PLEKHA5: variants seen among roughly 807,000 people sequenced by gnomAD.
The protein encoded by PLEKHA5 is pleckstrin homology domain-containing family A member 5.
PLEKHA5 carries 55 observed loss-of-function variants against 181.9 expected under a neutral mutation model. The observed-to-expected ratio is 0.30, with a 90% CI of 0.24 to 0.38. The LOEUF is 0.38. Ranked by LOEUF, PLEKHA5 falls within the 10% of genes least tolerant of loss-of-function variation. The probability of loss-of-function intolerance (pLI) is 1.00; values close to 1 mark genes in which losing one functional copy is unlikely to be tolerated. For synonymous variants in PLEKHA5, 535 were observed against 529.4 expected (o/e 1.01, Z -0.15); for missense variants, 1,432 against 1,549.5 (o/e 0.92, Z 1.27).
At chr12:19,340,021 A>G (rs916545695) in intron 21 of PLEKHA5, among the ~76,000 whole-genome samples, 2 of 152,150 alleles carry the variant, frequency 1.3e-5, no homozygotes, top group Non-Finnish European at 2.9e-5. Context: ...GAATATCCAC[A>G]AAGCAGAGAG....
chr12:19,265,323 G>A (rs770777899), intron 7 of PLEKHA5, among the ~76,000 whole-genome samples: 2 of 152,104 alleles, frequency 1.3e-5, no homozygotes, highest in Admixed American at 1.3e-4. Context: ...CATTCTCGAA[G>A]GAGAACAGAG....
At chr12:19,337,142 C>G (rs1412678262) in intron 21 of PLEKHA5, among the ~76,000 whole-genome samples, 1 of 151,772 alleles carries the variant, frequency 6.6e-6, no homozygotes, top group Non-Finnish European at 1.5e-5. Context: ...CATGCACCAC[C>G]AAGCCTTATT....
intron 21 of PLEKHA5, among the ~76,000 whole-genome samples, chr12:19,338,719 A>T (rs2093647159): frequency 1.3e-5 from 2 of 151,782 alleles, no homozygotes; most frequent in African/African-American, 4.8e-5. Context: ...CACTGAAGTT[A>T]CACTGTCAGT....
At chr12:19,366,859 A>G (rs1269680612) in intron 30 of PLEKHA5, among the ~76,000 whole-genome samples, 3 of 152,078 alleles carry the variant, frequency 2.0e-5, no homozygotes, top group Non-Finnish European at 4.4e-5. Context: ...TGGCATTTTA[A>G]AAAAAACAAG....
chr12:19,328,490 C>T (rs1272290833), intron 20 of PLEKHA5, among the ~76,000 whole-genome samples: 1 of 151,700 alleles, frequency 6.6e-6, no homozygotes, highest in East Asian at 1.9e-4. Context: ...TCTATGATTT[C>T]TTTCAACAGT....
chr12:19,219,954 A>G (rs2058669825), intron 3 of PLEKHA5, among the ~76,000 whole-genome samples: 4 of 152,186 alleles, frequency 2.6e-5, no homozygotes, highest in Admixed American at 2.6e-4. Context: ...ATTTCACACA[A>G]AAGATGAGTT....
intron 3 of PLEKHA5, among the ~76,000 whole-genome samples, chr12:19,195,276 C>T (rs1248140947): frequency 6.6e-6 from 1 of 152,116 alleles, no homozygotes; most frequent in Non-Finnish European, 1.5e-5. Flanking sequence ...CCTTTCCCTT[C>T]CTCCCACAAC....
At chr12:19,170,775 C>CT (rs1306492206) in intron 3 of PLEKHA5, among the ~76,000 whole-genome samples, 1 of 152,160 alleles carries the variant, frequency 6.6e-6, no homozygotes, top group Non-Finnish European at 1.5e-5. Flanking sequence ...AGACGACATA[C>CT]TTTTTTGAAA....
chr12:19,310,847 G>A (rs2086225717), intron 15 of PLEKHA5, among the ~76,000 whole-genome samples: 1 of 151,910 alleles, frequency 6.6e-6, no homozygotes, highest in Non-Finnish European at 1.5e-5. Flanking sequence ...TGTTAAATGT[G>A]CAATAGCATT....
At chr12:19,328,561 G>A (rs1435581776) in intron 20 of PLEKHA5, among the ~76,000 whole-genome samples, 1 of 3,574 alleles carries the variant, frequency 2.8e-4, no homozygotes, top group Non-Finnish European at 8.2e-4. Flanking sequence ...TCCTAGGAGT[G>A]TGTGTGTGTG....
chr12:19,358,939 T>C (rs1429138180), intron 27 of PLEKHA5, among the ~76,000 whole-genome samples: 1 of 152,208 alleles, frequency 6.6e-6, no homozygotes, highest in Non-Finnish European at 1.5e-5. Flanking sequence ...TTTCTTTTTG[T>C]TTTTTGCCCC....
At position 19,257,540 on chromosome 12, in the gene PLEKHA5, ATT is replaced by A. The variant is rs10706958; in HGVS notation, c.537+15_537+16del. ...GACGAGGTTGGCTTTATAAACAGGT[ATT>A]TTTTTTTTTTTGATATGAAACAAAA... On this transcript the variant is annotated splice_donor_5th_base_variant and intron_variant, in intron 6 of 31. Coordinates refer to ENST00000429027, the MANE Select transcript of PLEKHA5 (RefSeq NM_001256470.2). 5.2e-3 allele frequency: 6,132 copies of A among 1,189,802 alleles called. No homozygotes were observed. Among genetic ancestry groups the A allele is most frequent in the Admixed American group, 8.9e-3 (419 of 46,854 alleles). 73.7% of individuals were successfully genotyped at this position (1,189,802 alleles called of 1,614,324 possible). A position where few individuals can be genotyped will look rare whatever the true frequency, so the allele number is the denominator to read the frequency against.
At chr12:19,246,771 G>A (rs1240056460) in intron 3 of PLEKHA5, among the ~76,000 whole-genome samples, 1 of 152,032 alleles carries the variant, frequency 6.6e-6, no homozygotes, top group Non-Finnish European at 1.5e-5. Flanking sequence ...CATGGTTTTG[G>A]TCTTATTGGA....
intron 3 of PLEKHA5, among the ~76,000 whole-genome samples, chr12:19,169,177 A>G (rs964891369): frequency 1.3e-5 from 2 of 152,152 alleles, no homozygotes; most frequent in Admixed American, 1.3e-4. Flanking sequence ...GTTTAGACCC[A>G]GGTGGCTAAC....
chr12:19,308,156 G>A (rs1295190922), intron 15 of PLEKHA5, among the ~76,000 whole-genome samples: 2 of 152,086 alleles, frequency 1.3e-5, no homozygotes, highest in South Asian at 2.1e-4. Context: ...GAAACGTTCT[G>A]TGGAAAAGGG....
intron 3 of PLEKHA5, among the ~76,000 whole-genome samples, chr12:19,210,983 T>C (rs921974689): frequency 6.6e-6 from 1 of 152,208 alleles, no homozygotes; most frequent in African/African-American, 2.4e-5. Context: ...GAGTTACTGC[T>C]GTAAATCTAG....
intron 15 of PLEKHA5, among the ~76,000 whole-genome samples, chr12:19,308,805 G>A (rs1387185393): frequency 1.3e-5 from 2 of 152,056 alleles, no homozygotes; most frequent in African/African-American, 4.8e-5. Context: ...TTAGCACTTT[G>A]GGAGGCCGAA....
intron 30 of PLEKHA5, among the ~76,000 whole-genome samples, chr12:19,368,413 G>C (rs899216002): frequency 3.9e-5 from 6 of 152,234 alleles, no homozygotes; most frequent in African/African-American, 1.4e-4. Context: ...AGGATCACCT[G>C]AGCCCAGGAG....
chr12:19,174,272 C>G (rs548301817), intron 3 of PLEKHA5, among the ~76,000 whole-genome samples: 1 of 152,176 alleles, frequency 6.6e-6, no homozygotes, highest in South Asian at 2.1e-4. Context: ...TTTTGTTGTT[C>G]TTCCTGCTAA....
Sources: gnomAD v4.1 joint callset for allele counts (sites outside exome capture counted in the v4.1 genomes callset) on GRCh38, gnomAD v4.1.1 for gene constraint, MANE v1.5 for transcripts, NCBI Gene and HGNC (gene_info 2026-07-23, HGNC 2026-07-21) for gene names.